PRKCH: variants seen among roughly 807,000 people sequenced by gnomAD.
The protein encoded by PRKCH is protein kinase C eta type.
PRKCH carries 28 observed loss-of-function variants against 82.5 expected under a neutral mutation model. That is an observed-to-expected ratio of 0.34 (90% CI 0.25 to 0.47). The LOEUF (loss-of-function observed/expected upper bound fraction) is 0.47. Ranked by LOEUF, PRKCH falls within the 20% of genes least tolerant of loss-of-function variation. The probability of loss-of-function intolerance (pLI) is 1.00; values close to 1 mark genes in which losing one functional copy is unlikely to be tolerated. For missense variants in PRKCH, 705 were observed against 881.8 expected (o/e 0.80, Z 2.54); for synonymous variants, 322 against 327.4 (o/e 0.98, Z 0.18).
intron 10 of PRKCH, among the ~76,000 whole-genome samples, chr14:61,500,606 G>A (rs1187901023): frequency 6.6e-6 from 1 of 152,126 alleles, no homozygotes; most frequent in African/African-American, 2.4e-5. Flanking sequence ...CCTGTTGTAA[G>A]GATCTCAGGA....
chr14:61,470,165 G>A (rs1405182877), intron 9 of PRKCH, among the ~76,000 whole-genome samples: 1 of 151,794 alleles, frequency 6.6e-6, no homozygotes, highest in Non-Finnish European at 1.5e-5. Context: ...GTAGGATGCA[G>A]TGAGATTACT....
Position 61,370,891 on chromosome 14 carries a change from A to G in PRKCH, c.364-20334A>G, listed in dbSNP as rs78397889. ...CACCAAACACTGCAGTATGGAAACT[A>G]GCGCAAAATGGGATGTGCTGTGACA... On this transcript the variant is annotated intron_variant, in intron 1 of 13. Coordinates refer to ENST00000332981, the MANE Select transcript of PRKCH (RefSeq NM_006255.5). 4.1e-3 allele frequency among the ~76,000 whole-genome samples: 620 copies of G among 152,188 alleles called. 21 individuals carry two copies. The highest frequency in any genetic ancestry group is 0.014 in the African/African-American group (587 of 41,424).
At chr14:61,394,873 A>G (rs995176010) in intron 2 of PRKCH, among the ~76,000 whole-genome samples, 4 of 152,208 alleles carry the variant, frequency 2.6e-5, no homozygotes, top group African/African-American at 9.6e-5. Flanking sequence ...CTCTGCCTAC[A>G]GTTGTCCCTT....
At chr14:61,202,948 A>G (rs547186794) in intron 1 of PRKCH, among the ~76,000 whole-genome samples, 1 of 152,178 alleles carries the variant, frequency 6.6e-6, no homozygotes, top group East Asian at 1.9e-4. Flanking sequence ...ACAAATGCAC[A>G]ATGTCATGCG....
At chr14:61,447,559 C>T (rs1884287135) in intron 4 of PRKCH, among the ~76,000 whole-genome samples, 1 of 152,076 alleles carries the variant, frequency 6.6e-6, no homozygotes, top group Non-Finnish European at 1.5e-5. Flanking sequence ...CATACCTTAC[C>T]AAATTTAAAA....
In PRKCH at chr14:61,261,644, A is replaced by G. The variant is rs575152871; in HGVS notation, c.-19+73976A>G. Among the ~76,000 whole-genome samples, 62 of 151,896 alleles carry G rather than the reference A, an allele frequency of 4.1e-4. 2 individuals carry two copies. The highest frequency in any genetic ancestry group is 2.6e-4 in the Admixed American group (4 of 15,258). On this transcript the variant is annotated intron_variant, in intron 1 of 3. Transcript: ENST00000555185. The stretch of plus-strand genomic sequence containing the variant: ...TCTACCATCAGACAAGTCTAAATTC[A>G]TCTGTTGCCATTTACATCCATATCT...
At chr14:61,234,708 A>G (rs959359235) in intron 1 of PRKCH, among the ~76,000 whole-genome samples, 1 of 152,180 alleles carries the variant, frequency 6.6e-6, no homozygotes, top group Non-Finnish European at 1.5e-5. Context: ...ATGCAATATC[A>G]TCTGTTCTGG....
chr14:61,435,694 A>C (rs1273234138), intron 2 of PRKCH, among the ~76,000 whole-genome samples: 4 of 113,544 alleles, frequency 3.5e-5, no homozygotes, highest in African/African-American at 1.2e-4. Flanking sequence ...AACAAACCTT[A>C]TCTCAATATA....
intron 2 of PRKCH, among the ~76,000 whole-genome samples, chr14:61,418,272 C>T (rs1017323738): frequency 6.6e-6 from 1 of 152,158 alleles, no homozygotes; most frequent in Admixed American, 6.5e-5. Context: ...GTATTAAGTC[C>T]CTCATGGGCC....
intron 1 of PRKCH, among the ~76,000 whole-genome samples, chr14:61,203,361 G>A (rs972426695): frequency 8.5e-5 from 13 of 152,140 alleles, no homozygotes; most frequent in African/African-American, 3.1e-4. Flanking sequence ...CTGCGAAAGA[G>A]GTGCCAAGCC....
chr14:61,191,691 C>T (rs941360186), intron 1 of PRKCH, among the ~76,000 whole-genome samples: 2 of 151,986 alleles, frequency 1.3e-5, no homozygotes, highest in South Asian at 4.1e-4. Flanking sequence ...ATATACTAAG[C>T]AATTGGGTCA....
At chr14:61,292,538 G>A (rs1006604359) in intron 1 of PRKCH, among the ~76,000 whole-genome samples, 10 of 152,018 alleles carry the variant, frequency 6.6e-5, no homozygotes, top group African/African-American at 2.4e-4. Context: ...ACTTTTGGAG[G>A]CTGAGGCGGG....
At chr14:61,367,203 A>C (rs2046307987) in intron 1 of PRKCH, among the ~76,000 whole-genome samples, 1 of 152,080 alleles carries the variant, frequency 6.6e-6, no homozygotes, top group African/African-American at 2.4e-5. Context: ...ATGAACTACC[A>C]TCACAGAGAA....
At chr14:61,506,806 T>C (rs1188002696) in intron 10 of PRKCH, among the ~76,000 whole-genome samples, 1 of 152,274 alleles carries the variant, frequency 6.6e-6, no homozygotes, top group African/African-American at 2.4e-5. Flanking sequence ...TCTCAGGCAA[T>C]GGAGTCTTCA....
chr14:61,419,849 G>A (rs1366934736), intron 2 of PRKCH, among the ~76,000 whole-genome samples: 1 of 152,232 alleles, frequency 6.6e-6, no homozygotes, highest in East Asian at 1.9e-4. Flanking sequence ...GTACTTGGAT[G>A]TGTAGCATAA....
At chr14:61,310,660 T>C (rs2140109744) in intron 1 of PRKCH, among the ~76,000 whole-genome samples, 1 of 152,282 alleles carries the variant, frequency 6.6e-6, no homozygotes, top group East Asian at 1.9e-4. Flanking sequence ...CATTCTGGGG[T>C]CTGGAGGATG....
upstream of PRKCH, chr14:61,187,549 C>A (rs911222317): frequency 6.6e-6 from 1 of 152,392 alleles, no homozygotes; most frequent in Admixed American, 6.5e-5. Flanking sequence ...AGGCTGCGAG[C>A]TTCCTCTTCA....
At chr14:61,234,613 A>C (rs933766646) in intron 1 of PRKCH, among the ~76,000 whole-genome samples, 8 of 152,184 alleles carry the variant, frequency 5.3e-5, no homozygotes, top group Non-Finnish European at 7.3e-5. Context: ...CTGTTAAACT[A>C]TTACTCTGAG....
chr14:61,537,009 C>T (rs1088669), intron 12 of PRKCH, among the ~76,000 whole-genome samples: 149,065 of 152,304 alleles, frequency 0.98, 73,040 homozygotes, highest in East Asian at 1. Flanking sequence ...GCGGGGGTAG[C>T]TTGAGCACAC....
Sources: allele counts gnomAD v4.1 joint callset (sites outside exome capture counted in the v4.1 genomes callset), GRCh38; gene constraint gnomAD v4.1.1; transcripts MANE v1.5; gene names NCBI Gene and HGNC (gene_info 2026-07-23, HGNC 2026-07-21).